Variants in HS3ST2 observed in about 807,000 individuals in gnomAD.
HS3ST2 encodes heparan sulfate-glucosamine 3-sulfotransferase 2, also known as heparan sulfate glucosamine 3-O-sulfotransferase 2.
A neutral mutation model predicts 26.3 loss-of-function variants in HS3ST2; 17 were observed. The ratio of observed to expected loss-of-function variants is 0.65; its 90% CI spans 0.44 to 0.97. The LOEUF (loss-of-function observed/expected upper bound fraction) is 0.97, where lower values mean the gene tolerates loss of function less well. Among genes scored for constraint, HS3ST2 ranks in the 50% least tolerant of loss-of-function variants. The probability of loss-of-function intolerance (pLI) is 0.00; values close to 1 mark genes in which losing one functional copy is unlikely to be tolerated. For synonymous variants in HS3ST2, 237 were observed against 219.2 expected (o/e 1.08, Z -0.72); for missense variants, 402 against 501.2 (o/e 0.80, Z 1.89).
chr16:22,852,665 T>C (rs1216436136), intron 1 of HS3ST2, among the ~76,000 whole-genome samples: 1 of 152,166 alleles, frequency 6.6e-6, no homozygotes, highest in Non-Finnish European at 1.5e-5. Flanking sequence ...CACATTCATT[T>C]TGTCTGAAGA....
intron 1 of HS3ST2, among the ~76,000 whole-genome samples, chr16:22,885,745 T>C (rs1902050879): frequency 6.6e-6 from 1 of 152,176 alleles, no homozygotes; most frequent in African/African-American, 2.4e-5. Flanking sequence ...TTTGAGCCAC[T>C]GCGCCCAGCC....
intron 1 of HS3ST2, among the ~76,000 whole-genome samples, chr16:22,887,781 T>C (rs1295036094): frequency 1.0e-5 from 1 of 95,628 alleles, no homozygotes; most frequent in Non-Finnish European, 2.0e-5. Context: ...ACCCCATCTC[T>C]ACGGGAAAAA....
chr16:22,870,691 G>A (rs138954341), intron 1 of HS3ST2, among the ~76,000 whole-genome samples: 38 of 152,090 alleles, frequency 2.5e-4, no homozygotes, highest in African/African-American at 7.0e-4. Flanking sequence ...TCTCTCACCC[G>A]AAATATTTGC....
intron 1 of HS3ST2, among the ~76,000 whole-genome samples, chr16:22,872,317 C>A (rs1374831135): frequency 3.3e-5 from 5 of 152,190 alleles, no homozygotes; most frequent in Non-Finnish European, 7.3e-5. Context: ...TCAATGCATT[C>A]TGATTTTTAT....
chr16:22,831,104 A>C (rs208959), intron 1 of HS3ST2, among the ~76,000 whole-genome samples: 65,651 of 152,104 alleles, frequency 0.43, 15,089 homozygotes, highest in African/African-American at 0.6. Flanking sequence ...GACATTCTAG[A>C]ACCCAATGAA....
chr16:22,875,603 G>C (rs937105259), intron 1 of HS3ST2, among the ~76,000 whole-genome samples: 1 of 151,824 alleles, frequency 6.6e-6, no homozygotes, highest in African/African-American at 2.4e-5. Context: ...GGATGGTCTC[G>C]ATCTCCTGAC....
chr16:22,904,822 G>GTGGCCT (rs1330989175), intron 1 of HS3ST2, among the ~76,000 whole-genome samples: 1 of 152,174 alleles, frequency 6.6e-6, no homozygotes, highest in African/African-American at 2.4e-5. Flanking sequence ...CTGAGACTTA[G>GTGGCCT]TGGCCTGCTC....
rs576226617 is a variant in HS3ST2, at chr16:22,876,669, C to T, written c.486-38275C>T. On this transcript the variant is annotated intron_variant, in intron 1 of 1. Coordinates refer to ENST00000261374, the MANE Select transcript of HS3ST2 (RefSeq NM_006043.2). Reference sequence around the variant, plus strand: ...AAAAGAAGTCATCATATGAAAAAGACATTTGCACATGCATGTTGATAGCAG... The same window carrying T: ...AAAAGAAGTCATCATATGAAAAAGATATTTGCACATGCATGTTGATAGCAG... 2.6e-4 allele frequency among the ~76,000 whole-genome samples: 39 copies of T among 152,258 alleles called. No individual in the cohort carries two copies. The South Asian group carries it at 7.9e-3, about 31-fold the overall frequency.
intron 1 of HS3ST2, among the ~76,000 whole-genome samples, chr16:22,902,237 T>A (rs933729560): frequency 5.3e-5 from 8 of 152,240 alleles, no homozygotes; most frequent in African/African-American, 1.9e-4. Context: ...CAGATCATAA[T>A]CTATCATATG....
At chr16:22,879,212 T>A (rs1901956384) in intron 1 of HS3ST2, among the ~76,000 whole-genome samples, 1 of 152,178 alleles carries the variant, frequency 6.6e-6, no homozygotes, top group Admixed American at 6.5e-5. Flanking sequence ...AACCCCAAAC[T>A]CAGGCTCTGT....
intron 1 of HS3ST2, among the ~76,000 whole-genome samples, chr16:22,844,880 A>G (rs796226621): frequency 1.4e-5 from 2 of 147,408 alleles, no homozygotes; most frequent in African/African-American, 5.0e-5. Flanking sequence ...TTTGAGATGG[A>G]GTCTCAGTCT....
intron 1 of HS3ST2, among the ~76,000 whole-genome samples, chr16:22,896,959 C>T (rs978412422): frequency 6.6e-6 from 1 of 152,092 alleles, no homozygotes; most frequent in African/African-American, 2.4e-5. Context: ...AGGTATATAC[C>T]ACCATGCCTG....
intron 1 of HS3ST2, among the ~76,000 whole-genome samples, chr16:22,888,144 G>T (rs534373406): frequency 6.6e-6 from 1 of 152,100 alleles, no homozygotes; most frequent in African/African-American, 2.4e-5. Flanking sequence ...CCTACTCTCT[G>T]GTGTTTTCTT....
intron 1 of HS3ST2, among the ~76,000 whole-genome samples, chr16:22,888,831 T>C (rs762213392): frequency 2.0e-5 from 3 of 152,238 alleles, no homozygotes; most frequent in Non-Finnish European, 4.4e-5. Context: ...TGAGGCACTC[T>C]TGCACTCTCT....
At chr16:22,862,198 C>G (rs1252656662) in intron 1 of HS3ST2, among the ~76,000 whole-genome samples, 1 of 151,662 alleles carries the variant, frequency 6.6e-6, no homozygotes, top group Admixed American at 6.6e-5. Flanking sequence ...ACCAATTAGG[C>G]CTTCCTGTTT....
intron 1 of HS3ST2, among the ~76,000 whole-genome samples, chr16:22,867,617 A>G (rs1567492095): frequency 6.6e-6 from 1 of 152,226 alleles, no homozygotes; most frequent in Non-Finnish European, 1.5e-5. Context: ...GAAAGAAAAA[A>G]TACTTGACTC....
chr16:22,893,332 A>C (rs1159268155), intron 1 of HS3ST2, among the ~76,000 whole-genome samples: 1 of 152,260 alleles, frequency 6.6e-6, no homozygotes, highest in Non-Finnish European at 1.5e-5. Flanking sequence ...TATGCCTACC[A>C]CAAGGCTCTC....
intron 1 of HS3ST2, among the ~76,000 whole-genome samples, chr16:22,886,040 G>T (rs141715062): frequency 3.2e-4 from 49 of 152,224 alleles, no homozygotes; most frequent in African/African-American, 1.1e-3. Flanking sequence ...GGCTTACATG[G>T]GATGCCGTTA....
chr16:22,894,485 C>A (rs1240910575), intron 1 of HS3ST2, among the ~76,000 whole-genome samples: 1 of 152,194 alleles, frequency 6.6e-6, no homozygotes, highest in Non-Finnish European at 1.5e-5. Flanking sequence ...CCTCCAGTTC[C>A]TGAGCTTTTG....
Sources: allele counts gnomAD v4.1 joint callset (sites outside exome capture counted in the v4.1 genomes callset), GRCh38; gene constraint gnomAD v4.1.1; transcripts MANE v1.5; gene names NCBI Gene and HGNC (gene_info 2026-07-23, HGNC 2026-07-21).